EML6: variants seen among roughly 807,000 people sequenced by gnomAD.
EML6 encodes the protein EMAP like 6.
Under a neutral mutation model 240.1 loss-of-function variants are expected in EML6, and 154 were observed. The ratio of observed to expected loss-of-function variants is 0.64; its 90% CI spans 0.56 to 0.73. EML6 has a LOEUF of 0.73. Among genes scored for constraint, EML6 ranks in the 30% least tolerant of loss-of-function variants. The pLI is 0.00. For missense variants in EML6, 2,964 were observed against 2,474.6 expected (o/e 1.20, Z -4.20); for synonymous variants, 1,148 against 899.0 (o/e 1.28, Z -4.95).
In EML6 at chr2:54,968,224, C is replaced by T; in HGVS notation, c.5694C>T (p.Val1898=). The T allele has an allele frequency of 6.4e-7, 1 of 1,551,720 alleles. No individual in the cohort carries two copies. The highest frequency in any genetic ancestry group is 8.7e-7 in the Non-Finnish European group (1 of 1,147,002). Residue 1898 remains valine (V), a synonymous_variant, in exon 40 of 42, where the codon GTC becomes GTT. Transcript: ENST00000356458. ...TGACCCACGCTGGCCTGAACATTGT[C>T]ACAGGAGATGACTTTGGGCTGGTGA... ...ACVTHAGLNI[V]TGDDFGLVKL...
In EML6 at chr2:54,968,148, T is replaced by C. The variant is rs2104560026; in HGVS notation, c.5618T>C (p.Ile1873Thr). The change falls in exon 40 of 42, where the codon ATT becomes ACT. Residue 1873 changes from isoleucine (I) to threonine (T), a missense_variant. By Grantham distance (89) the Ile-to-Thr change is moderately conservative (BLOSUM62 -1). Coordinates refer to ENST00000356458, the MANE Select transcript of EML6 (RefSeq NM_001039753.4). ...AACAGCGTCCTGGGAGATGAAGTCATTGGAATCTGGCCACGAAATGCAGAC... is the reference window on the plus strand; with the variant it reads ...AACAGCGTCCTGGGAGATGAAGTCACTGGAATCTGGCCACGAAATGCAGAC... ...SWTSVLGDEVIGIWPRNADKA... is the reference protein window; with the variant it reads ...SWTSVLGDEVTGIWPRNADKA... The C allele has an allele frequency of 1.9e-6, 3 of 1,551,366 alleles. No individual in the cohort carries two copies. The highest frequency in any genetic ancestry group is 1.8e-4 in the Middle Eastern group (1 of 5,686).
chr2:54,921,836 C>T (rs909251430), intron 26 of EML6, among the ~76,000 whole-genome samples: 1 of 152,074 alleles, frequency 6.6e-6, no homozygotes, highest in African/African-American at 2.4e-5. Flanking sequence ...AGAAGACAGT[C>T]TCTTCAATGA....
intron 2 of EML6, among the ~76,000 whole-genome samples, chr2:54,796,357 G>T (rs574458278): frequency 2.0e-5 from 3 of 152,072 alleles, no homozygotes; most frequent in African/African-American, 7.2e-5. Context: ...GAAGCTAAAT[G>T]ACCTATTTCT....
intron 2 of EML6, among the ~76,000 whole-genome samples, chr2:54,783,548 A>T (rs550017741): frequency 5.3e-5 from 8 of 152,336 alleles, no homozygotes; most frequent in African/African-American, 1.2e-4. Flanking sequence ...AATCTAATTT[A>T]AAAAATTTAG....
chr2:54,746,887 T>G (rs1683938724), intron 2 of EML6, among the ~76,000 whole-genome samples: 1 of 152,162 alleles, frequency 6.6e-6, no homozygotes, highest in African/African-American at 2.4e-5. Flanking sequence ...GATCAGTGAT[T>G]GGCCATAGAT....
intron 24 of EML6, 77 bp from the exon 25 acceptor site, chr2:54,910,877 C>A: frequency 1.4e-6 from 1 of 693,162 alleles, no homozygotes; most frequent in Non-Finnish European, 2.5e-6. Context: ...ATCAAAATAG[C>A]ACCCATGCTT....
chr2:54,958,799 C>G (rs1676356007), intron 33 of EML6, among the ~76,000 whole-genome samples: 1 of 152,142 alleles, frequency 6.6e-6, no homozygotes, highest in South Asian at 2.1e-4. Flanking sequence ...GGAGTCTGCC[C>G]CATCCCTGCT....
chr2:54,752,569 G>C lies in EML6; in HGVS notation c.197+27311G>C, dbSNP rs534973822. Among the ~76,000 whole-genome samples the C allele has an allele frequency of 2.6e-3, 402 of 152,110 alleles. 4 individuals carry two copies. Among genetic ancestry groups the C allele is most frequent in the Non-Finnish European group, 4.8e-3 (329 of 67,996 alleles). On this transcript the variant is annotated intron_variant, in intron 2 of 41. Coordinates refer to ENST00000356458, the MANE Select transcript of EML6 (RefSeq NM_001039753.4). ...ATAAAATATGTTCTCTTTTGTGTGG[G>C]GCTGAATTATTCAACATTTGTCAAT...
chr2:54,737,952 T>A (rs13389426), intron 2 of EML6, among the ~76,000 whole-genome samples: 4,015 of 152,224 alleles, frequency 0.026, 169 homozygotes, highest in African/African-American at 0.084. Flanking sequence ...CGCAGGGCCT[T>A]TGTACTCTTT....
chr2:54,765,608 C>T (rs1668152286), intron 2 of EML6, among the ~76,000 whole-genome samples: 1 of 152,098 alleles, frequency 6.6e-6, no homozygotes, highest in Non-Finnish European at 1.5e-5. Flanking sequence ...CTACAGGCAC[C>T]CGCCCTATGT....
intron 17 of EML6, among the ~76,000 whole-genome samples, 189 bp from the exon 18 acceptor site, chr2:54,890,865 A>G (rs1302608495): frequency 6.6e-6 from 1 of 152,228 alleles, no homozygotes; most frequent in Non-Finnish European, 1.5e-5. Context: ...ATAAGAAGAA[A>G]GGGTTCAAAC....
At chr2:54,947,424 T>C (rs1675746771) in intron 28 of EML6, among the ~76,000 whole-genome samples, 1 of 152,180 alleles carries the variant, frequency 6.6e-6, no homozygotes, top group African/African-American at 2.4e-5. Flanking sequence ...GGTCCAATTA[T>C]CACTTATGAT....
At chr2:54,892,144 G>A (rs145808761) in intron 18 of EML6, among the ~76,000 whole-genome samples, 6 of 152,298 alleles carry the variant, frequency 3.9e-5, no homozygotes, top group Admixed American at 6.5e-5. Flanking sequence ...GTCTTGGACT[G>A]AGATGCATAT....
intron 2 of EML6, among the ~76,000 whole-genome samples, chr2:54,795,726 G>C (rs1257672488): frequency 6.6e-6 from 1 of 152,150 alleles, no homozygotes; most frequent in Non-Finnish European, 1.5e-5. Flanking sequence ...GCAAACTTTA[G>C]TATCTAGCCC....
At chr2:54,962,385 T>G in intron 35 of EML6, 138 bp from the exon 36 acceptor site, 1 of 657,514 alleles carries the variant, frequency 1.5e-6, no homozygotes, top group Non-Finnish European at 2.5e-6. Context: ...GAACACTGAC[T>G]CCCCTGTCCA....
At chr2:54,775,382 T>G (rs1411578542) in intron 2 of EML6, among the ~76,000 whole-genome samples, 2 of 152,190 alleles carry the variant, frequency 1.3e-5, no homozygotes, top group African/African-American at 4.8e-5. Context: ...AGTGTCTGAC[T>G]CAGGACTTTT....
At position 54,850,056 on chromosome 2, in the gene EML6, A is replaced by G. The variant is rs1226219108; in HGVS notation, c.1282A>G (p.Asn428Asp). 3 of 1,551,982 alleles carry G rather than the reference A, an allele frequency of 1.9e-6. No individual in the cohort carries two copies. The African/African-American group carries it at 4.1e-5, about 21-fold the overall frequency. ...TGGTTCTTACCTTGCAGTGGGATCC[A>G]ATGATGGCCCAGTAGATGTCTATGC... ...PDGSYLAVGS[N>D]DGPVDVYAVA... The change falls in exon 10 of 42, where the codon AAT (asparagine) becomes GAT (aspartate). Residue 428 changes from asparagine to aspartate, a missense_variant. Physicochemically the swap from Asn to Asp is conservative, Grantham distance 23. Transcript: ENST00000356458.
At chr2:54,836,111 G>A (rs1669127656) in intron 7 of EML6, among the ~76,000 whole-genome samples, 2 of 152,316 alleles carry the variant, frequency 1.3e-5, no homozygotes, top group South Asian at 4.2e-4. Context: ...GAACACTGCA[G>A]AGGCCCGAGC....
At chr2:54,882,359 T>C (rs1030021881) in intron 17 of EML6, 1 of 151,898 alleles carries the variant, frequency 6.6e-6, no homozygotes, top group Middle Eastern at 3.2e-3. Flanking sequence ...TGATCTCTTA[T>C]AGAAGTAGTT....
Sources: gnomAD v4.1 joint callset for allele counts (sites outside exome capture counted in the v4.1 genomes callset) on GRCh38, gnomAD v4.1.1 for gene constraint, MANE v1.5 for transcripts, NCBI Gene and HGNC (gene_info 2026-07-23, HGNC 2026-07-21) for gene names.